Variants in SLCO6A1 observed in about 807,000 individuals in gnomAD.
The protein encoded by SLCO6A1 is solute carrier organic anion transporter family member 6A1, also known as cancer/testis antigen 48.
SLCO6A1 carries 65 observed loss-of-function variants against 72.7 expected under a neutral mutation model. That is an observed-to-expected ratio of 0.89 (90% CI 0.73 to 1.10). The LOEUF (loss-of-function observed/expected upper bound fraction) is 1.10, where lower values mean the gene tolerates loss of function less well. Ranked by LOEUF, SLCO6A1 falls within the 50% of genes least tolerant of loss-of-function variation. The pLI is 0.00. For synonymous variants in SLCO6A1, 314 were observed against 298.2 expected (o/e 1.05, Z -0.55); for missense variants, 874 against 872.6 (o/e 1.00, Z -0.02).
In SLCO6A1 at chr5:102,395,284, T is replaced by C. The variant is rs553306236; in HGVS notation, c.1815-4239A>G. The stretch of plus-strand genomic sequence containing the variant: ...CAATTCCCACCTATGAGTGAGAACA[T>C]GCGGTGTTTGGTTTTCTGTCCTTGT... On this transcript the variant is annotated intron_variant, in intron 10 of 13. Coordinates refer to ENST00000506729, the MANE Select transcript of SLCO6A1 (RefSeq NM_173488.5). Among the ~76,000 whole-genome samples the C allele has an allele frequency of 2.1e-3, 319 of 151,762 alleles. 3 individuals carry two copies. Among genetic ancestry groups the C allele is most frequent in the African/African-American group, 7.3e-3 (302 of 41,422 alleles).
At chr5:102,488,545 G>A (rs977833107) in intron 1 of SLCO6A1, among the ~76,000 whole-genome samples, 2 of 152,156 alleles carry the variant, frequency 1.3e-5, no homozygotes, top group East Asian at 3.8e-4. Flanking sequence ...GAATATGAAA[G>A]TTAAAAAATA....
chr5:102,458,527 T>C (rs750267404), intron 5 of SLCO6A1, 36 bp from the exon 6 acceptor site: 20 of 1,461,718 alleles, frequency 1.4e-5, no homozygotes, highest in Non-Finnish European at 1.8e-5. Context: ...TATGACATAT[T>C]CAAATAACTA....
At chr5:102,427,354 AG>A (rs1748949765) in intron 7 of SLCO6A1, among the ~76,000 whole-genome samples, 1 of 152,162 alleles carries the variant, frequency 6.6e-6, no homozygotes, top group Non-Finnish European at 1.5e-5. Context: ...TACCTCAGCC[AG>A]GTGATCAAAG....
chr5:102,386,520 G>A (rs1746426456), intron 12 of SLCO6A1, among the ~76,000 whole-genome samples: 1 of 152,090 alleles, frequency 6.6e-6, no homozygotes, highest in African/African-American at 2.4e-5. Flanking sequence ...TCTGGAGCCT[G>A]GGAATACAGG....
chr5:102,491,708 G>A (rs113481478), intron 1 of SLCO6A1, among the ~76,000 whole-genome samples: 2 of 152,200 alleles, frequency 1.3e-5, no homozygotes, highest in Non-Finnish European at 2.9e-5. Context: ...GCGCAGCCCC[G>A]GTTCCCGCCC....
chr5:102,459,182 G>A (rs185998976), intron 5 of SLCO6A1, among the ~76,000 whole-genome samples: 1 of 152,222 alleles, frequency 6.6e-6, no homozygotes, highest in Admixed American at 6.5e-5. Context: ...AGCTAAGGTG[G>A]AAGGATAGTT....
intron 4 of SLCO6A1, among the ~76,000 whole-genome samples, chr5:102,464,426 A>G (rs900552942): frequency 6.6e-6 from 1 of 152,158 alleles, no homozygotes; most frequent in African/African-American, 2.4e-5. Context: ...TAAAAATAAG[A>G]CAGGAAATAA....
chr5:102,415,400 G>A (rs1748226921), intron 8 of SLCO6A1, among the ~76,000 whole-genome samples: 1 of 152,002 alleles, frequency 6.6e-6, no homozygotes, highest in Admixed American at 6.6e-5. Flanking sequence ...CAGAAGAAAA[G>A]CCACATATTT....
chr5:102,395,188 A>C (rs1178509509), intron 10 of SLCO6A1, among the ~76,000 whole-genome samples: 32 of 135,790 alleles, frequency 2.4e-4, no homozygotes, highest in African/African-American at 4.2e-4. Context: ...TATCCCTCCC[A>C]CCTCCCCCGA....
intron 6 of SLCO6A1, among the ~76,000 whole-genome samples, chr5:102,456,591 C>G (rs372622404): frequency 1.7e-4 from 26 of 152,030 alleles, no homozygotes; most frequent in East Asian, 5.8e-4. Context: ...CACTGCTCAA[C>G]GAAATAAAAG....
At chr5:102,456,347 C>T (rs1270063999) in intron 6 of SLCO6A1, among the ~76,000 whole-genome samples, 1 of 152,056 alleles carries the variant, frequency 6.6e-6, no homozygotes, top group East Asian at 1.9e-4. Context: ...GATTGTATAT[C>T]TAGAAAACCC....
intron 1 of SLCO6A1, among the ~76,000 whole-genome samples, chr5:102,483,043 T>A (rs1752286055): frequency 6.6e-6 from 1 of 152,144 alleles, no homozygotes; most frequent in Admixed American, 6.5e-5. Context: ...ATAACCTCCA[T>A]CCTTGATGTA....
intron 12 of SLCO6A1, among the ~76,000 whole-genome samples, chr5:102,374,395 G>A (rs529209356): frequency 1.3e-5 from 2 of 152,206 alleles, no homozygotes; most frequent in Non-Finnish European, 2.9e-5. Context: ...TGAACTGCTG[G>A]GCTCAAGTGA....
intron 1 of SLCO6A1, among the ~76,000 whole-genome samples, chr5:102,481,833 C>A (rs1322271890): frequency 6.6e-6 from 1 of 152,072 alleles, no homozygotes; most frequent in Non-Finnish European, 1.5e-5. Context: ...AATCACAAAC[C>A]TGAATGGATT....
chr5:102,454,137 A>G (rs1750577628), intron 6 of SLCO6A1, among the ~76,000 whole-genome samples: 1 of 152,190 alleles, frequency 6.6e-6, no homozygotes, highest in Non-Finnish European at 1.5e-5. Flanking sequence ...CCTTTTCCAA[A>G]GACTGGCCAC....
chr5:102,429,360 C>T (rs1006407989), intron 7 of SLCO6A1, among the ~76,000 whole-genome samples: 5 of 152,054 alleles, frequency 3.3e-5, no homozygotes, highest in Admixed American at 6.6e-5. Flanking sequence ...TTGGAGTCTA[C>T]GTCCTAAAAT....
intron 7 of SLCO6A1, among the ~76,000 whole-genome samples, chr5:102,423,098 A>T (rs955142752): frequency 1.3e-5 from 2 of 152,152 alleles, no homozygotes; most frequent in African/African-American, 4.8e-5. Flanking sequence ...CACCACCAGG[A>T]CTGCCTTACA....
chr5:102,481,567 A>T (rs188841350), intron 1 of SLCO6A1, among the ~76,000 whole-genome samples: 10 of 152,294 alleles, frequency 6.6e-5, no homozygotes, highest in African/African-American at 2.4e-4. Flanking sequence ...TGCAAATAGG[A>T]GTGAGTAATG....
chr5:102,443,656 T>C (rs1262111450), intron 6 of SLCO6A1, among the ~76,000 whole-genome samples: 1 of 152,234 alleles, frequency 6.6e-6, no homozygotes, highest in Admixed American at 6.5e-5. Context: ...CAAGGAAATA[T>C]TTCTGGGCAC....
Sources: allele counts gnomAD v4.1 joint callset (sites outside exome capture counted in the v4.1 genomes callset), GRCh38; gene constraint gnomAD v4.1.1; transcripts MANE v1.5; gene names NCBI Gene and HGNC (gene_info 2026-07-23, HGNC 2026-07-21).